The following TCN2 variants were observed in gnomAD, a reference collection of about 807,000 sequenced individuals.
TCN2 encodes the protein transcobalamin 2, also known as transcobalamin-2.
TCN2 carries 34 observed loss-of-function variants against 48.6 expected under a neutral mutation model. The observed-to-expected ratio is 0.70, with a 90% CI of 0.53 to 0.93. TCN2 has a LOEUF of 0.93. TCN2 is among the 40% of genes least tolerant of loss of function. The probability of loss-of-function intolerance (pLI) is 0.00; values close to 1 mark genes in which losing one functional copy is unlikely to be tolerated. For synonymous variants in TCN2, 283 were observed against 212.5 expected (o/e 1.33, Z -2.89); for missense variants, 652 against 526.1 (o/e 1.24, Z -2.34).
In TCN2 at chr22:30,612,984, G is replaced by A; in HGVS notation, c.369G>A (p.Lys123=). 1.9e-6 allele frequency: 3 copies of A among 1,614,196 alleles called. No homozygotes were observed. Among genetic ancestry groups the A allele is most frequent in the Non-Finnish European group, 2.5e-6 (3 of 1,180,036 alleles). ...RANCEFVRGH[K]GDRLVSQLKW... The stretch of plus-strand genomic sequence containing the variant: ...ACTGTGAGTTTGTCAGGGGCCACAA[G>A]GGGGACAGGCTGGTCTCACAGCTCA... Residue 123 remains lysine, a synonymous_variant, in exon 3 of 9, where the codon AAG becomes AAA. Transcript: ENST00000215838.
chr22:30,623,103 T>A lies in TCN2; in HGVS notation c.1222+20T>A. On this transcript the variant is annotated intron_variant, in intron 8 of 8. Coordinates refer to ENST00000215838, the MANE Select transcript of TCN2 (RefSeq NM_000355.4). ...TGCAAGGTGAGTCATGGCCTGACAC[T>A]CTGGATGTGTCCCCTACCCCAAGCT... 3 of 1,610,946 alleles carry A rather than the reference T, an allele frequency of 1.9e-6. No individual in the cohort carries two copies. Among genetic ancestry groups the A allele is most frequent in the Non-Finnish European group, 2.5e-6 (3 of 1,177,580 alleles).
In TCN2 at chr22:30,624,053, C is replaced by CATAT. The variant is rs1569047261; in HGVS notation, c.1222+971_1222+972insTATA. On this transcript the variant is annotated intron_variant, in intron 8 of 8. Coordinates refer to ENST00000215838, the MANE Select transcript of TCN2 (RefSeq NM_000355.4). ...ATATGTATACATATATACACACACA[C>CATAT]ACACACACATATATATATATATATA... Among the ~76,000 whole-genome samples the CATAT allele has an allele frequency of 4.6e-4, 7 of 15,286 alleles. 3 individuals carry two copies. The highest frequency in any genetic ancestry group is 1.2e-3 in the African/African-American group (2 of 1,640). The allele number at this position is 15,286 out of a possible 152,430, so 10.0% of individuals were successfully genotyped here.
rs766122077 is a variant in TCN2 at position 30,623,823 on chromosome 22, TACAC to T, written c.1222+746_1222+749del. Reference sequence around the variant, plus strand: ...ACACATACACATATATACACACACATACACACACATATACACACACATACATACA... The same window carrying T: ...ACACATACACATATATACACACACATACACATATACACACACATACATACA... On this transcript the variant is annotated intron_variant, in intron 8 of 8. Coordinates refer to ENST00000215838, the MANE Select transcript of TCN2 (RefSeq NM_000355.4). Among the ~76,000 whole-genome samples the T allele has an allele frequency of 1.3e-3, 63 of 49,470 alleles. 16 individuals are homozygous for T. The highest frequency in any genetic ancestry group is 5.2e-3 in the East Asian group (15 of 2,896). The allele number at this position is 49,470 out of a possible 152,430, so 32.5% of individuals were successfully genotyped here.
intron 2 of TCN2, among the ~76,000 whole-genome samples, chr22:30,611,889 A>G (rs2087546990): frequency 6.6e-6 from 1 of 152,182 alleles, no homozygotes; most frequent in Non-Finnish European, 1.5e-5. Context: ...GCGAAGAATC[A>G]GCCATGGAGT....
At chr22:30,615,815 C>A (rs1441855740) in intron 6 of TCN2, 28 bp downstream of exon 6, 5 of 1,613,526 alleles carry the variant, frequency 3.1e-6, no homozygotes, top group Non-Finnish European at 4.2e-6. Flanking sequence ...GGAAGCACAG[C>A]CCTTTACAAT....
rs776493564 is a variant in TCN2 at position 30,614,369 on chromosome 22, C to A, written c.448C>A (p.Pro150Thr). The A allele has an allele frequency of 1.2e-6, 2 of 1,614,064 alleles. No homozygotes were observed. The highest frequency in any genetic ancestry group is 2.7e-5 in the African/African-American group (2 of 74,936). The change falls in exon 4 of 9, where the codon CCC becomes ACC. Residue 150 changes from proline to threonine, a missense_variant. Coordinates refer to ENST00000215838, the MANE Select transcript of TCN2 (RefSeq NM_000355.4). ...RAIGHDHKGH[P>T]HTSYYQYGLG... is the part of the protein sequence containing the mutation. ...CTCAGGGCATGATCACAAGGGCCAC[C>A]CCCACACTAGCTACTACCAGTATGG...
intron 1 of TCN2, among the ~76,000 whole-genome samples, chr22:30,608,115 C>T (rs1481482755): frequency 6.6e-6 from 1 of 152,176 alleles, no homozygotes; most frequent in Non-Finnish European, 1.5e-5. Context: ...CAGGGCTGCT[C>T]CTTCAGACAG....
chr22:30,626,466 C>G lies in TCN2; in HGVS notation c.1229C>G (p.Ala410Gly), dbSNP rs145807876. Reference sequence around the variant, plus strand: ...GCTCAATCTGTTTCTGCAGGTATTGCTGACTACAGACCCAAGGATGGAGAA... The same window carrying G: ...GCTCAATCTGTTTCTGCAGGTATTGGTGACTACAGACCCAAGGATGGAGAA... ...DPNTPLLQGIADYRPKDGETI... is the reference protein window; with the variant it reads ...DPNTPLLQGIGDYRPKDGETI... Residue 410 changes from alanine (A) to glycine (G), a missense_variant, in exon 9 of 9, where the codon GCT becomes GGT. Coordinates refer to ENST00000215838, the MANE Select transcript of TCN2 (RefSeq NM_000355.4). 6.6e-5 allele frequency: 106 copies of G among 1,614,148 alleles called. No individual in the cohort carries two copies. The African/African-American group carries it at 9.9e-4, about 15-fold the overall frequency.
chr22:30,608,469 C>T lies in TCN2; in HGVS notation c.64+1074C>T, dbSNP rs535828678. 2.6e-5 allele frequency among the ~76,000 whole-genome samples: 4 copies of T among 152,288 alleles called. No homozygotes were observed. The East Asian group carries it at 7.7e-4, about 29-fold the overall frequency. Reference sequence around the variant, plus strand: ...GTGGCACGATCTTGGCTCACTGCAGCCTCTGCCTTGTGGGTTCAAGTGATT... The same window carrying T: ...GTGGCACGATCTTGGCTCACTGCAGTCTCTGCCTTGTGGGTTCAAGTGATT... On this transcript the variant is annotated intron_variant, in intron 1 of 8. Transcript: ENST00000215838.
intron 3 of TCN2, among the ~76,000 whole-genome samples, 179 bp downstream of exon 3, chr22:30,613,221 G>A (rs1430279670): frequency 6.6e-6 from 1 of 152,154 alleles, no homozygotes; most frequent in Non-Finnish European, 1.5e-5. Flanking sequence ...CCTTGACCCA[G>A]CTTTTCCCGC....
At position 30,626,719 on chromosome 22, in the gene TCN2, A is replaced by G; in HGVS notation, c.*198A>G. On this transcript the variant is annotated 3_prime_UTR_variant, in exon 9 of 9. Coordinates refer to ENST00000215838, the MANE Select transcript of TCN2 (RefSeq NM_000355.4). The stretch of plus-strand genomic sequence containing the variant: ...CCCACCTTGGAGCAGAGAGCCAAGC[A>G]TCTTCCCTGGGAAGTCTTTCTGGCC... 4.6e-6 allele frequency: 3 copies of G among 653,662 alleles called. No homozygotes were observed. The highest frequency in any genetic ancestry group is 2.7e-5 in the East Asian group (1 of 36,408). 40.5% of individuals were successfully genotyped at this position (653,662 alleles called of 1,614,324 possible). A position where few individuals can be genotyped will look rare whatever the true frequency, so the allele number is the denominator to read the frequency against.
intron 7 of TCN2, among the ~76,000 whole-genome samples, chr22:30,620,031 C>T (rs1231703428): frequency 6.6e-6 from 1 of 152,098 alleles, no homozygotes; most frequent in African/African-American, 2.4e-5. Context: ...ATGGTGTGCA[C>T]CTATAATCCT....
chr22:30,626,455 T>A lies in TCN2; in HGVS notation c.1223-5T>A. ...CGCCCCTCCTTGCTCAATCTGTTTCTGCAGGTATTGCTGACTACAGACCCA... is the reference window on the plus strand; with the variant it reads ...CGCCCCTCCTTGCTCAATCTGTTTCAGCAGGTATTGCTGACTACAGACCCA... On this transcript the variant is annotated splice_region_variant and splice_polypyrimidine_tract_variant and intron_variant, in intron 8 of 8. Transcript: ENST00000215838. 1 of 1,614,180 alleles carries A rather than the reference T, an allele frequency of 6.2e-7. No individual in the cohort carries two copies. The highest frequency in any genetic ancestry group is 1.7e-5 in the Admixed American group (1 of 60,016).
At chr22:30,621,031 C>T (rs931202217) in intron 7 of TCN2, among the ~76,000 whole-genome samples, 6 of 152,168 alleles carry the variant, frequency 3.9e-5, no homozygotes, top group African/African-American at 1.2e-4. Flanking sequence ...TGCATTCAGT[C>T]GCCCAGGCTG....
At chr22:30,624,785 C>T (rs773171720) in intron 8 of TCN2, among the ~76,000 whole-genome samples, 1 of 152,108 alleles carries the variant, frequency 6.6e-6, no homozygotes, top group Non-Finnish European at 1.5e-5. Flanking sequence ...TTATTCTTCC[C>T]AAATCAACCA....
intron 4 of TCN2, 124 bp from the exon 5 acceptor site, chr22:30,615,177 T>G: frequency 1.0e-6 from 1 of 985,432 alleles, no homozygotes; most frequent in Non-Finnish European, 1.6e-6. Flanking sequence ...TCTGACCATG[T>G]TGCCCTTCTT....
chr22:30,612,262 A>AT (rs1296581122), intron 2 of TCN2, among the ~76,000 whole-genome samples: 1 of 150,926 alleles, frequency 6.6e-6, no homozygotes, highest in African/African-American at 2.4e-5. Flanking sequence ...AAAAAATAAA[A>AT]ATATGGCTGG....
rs1411682402 is a variant in TCN2 at position 30,619,280 on chromosome 22, A to T, written c.1106+1785A>T. Among the ~76,000 whole-genome samples, 3 of 152,090 alleles carry T rather than the reference A, an allele frequency of 2.0e-5. No individual in the cohort carries two copies. In the East Asian group the frequency reaches 5.8e-4, roughly 29 times the overall value. On this transcript the variant is annotated intron_variant, in intron 7 of 8. Coordinates refer to ENST00000215838, the MANE Select transcript of TCN2 (RefSeq NM_000355.4). ...TTTTTTGTAGACATGGGATTGCTTC[A>T]TGTTGCCCAGACTGGTCTCAAACTC... is the stretch of plus-strand genomic sequence containing the variant.
Position 30,611,031 on chromosome 22 carries a change from C to T in TCN2, c.225C>T (p.Ser75=), listed in dbSNP as rs776322424. ...AGTKEDLYLH[S]LKLGYQQCLL... is the part of the protein sequence containing the mutation. ...CCAAGGAAGACCTCTACCTGCACAG[C>T]CTCAAGCTTGGTTACCAGCAGTGCC... Residue 75 remains serine (S), a synonymous_variant, in exon 2 of 9, where the codon AGC becomes AGT. Coordinates refer to ENST00000215838, the MANE Select transcript of TCN2 (RefSeq NM_000355.4). The T allele has an allele frequency of 1.9e-5, 31 of 1,613,990 alleles. No individual in the cohort carries two copies. The East Asian group carries it at 6.7e-4, about 35-fold the overall frequency.
Sources: gnomAD v4.1 joint callset for allele counts (sites outside exome capture counted in the v4.1 genomes callset) on GRCh38, gnomAD v4.1.1 for gene constraint, MANE v1.5 for transcripts, NCBI Gene and HGNC (gene_info 2026-07-23, HGNC 2026-07-21) for gene names.